The following GPM6B variants were observed in gnomAD, a reference collection of about 807,000 sequenced individuals.
GPM6B encodes neuronal membrane glycoprotein M6-b.
GPM6B carries 4 observed loss-of-function variants against 27.2 expected under a neutral mutation model. The observed-to-expected ratio is 0.15, with a 90% CI of 0.07 to 0.34. The LOEUF is 0.34. Among genes scored for constraint, GPM6B ranks in the 10% least tolerant of loss-of-function variants. The pLI is 1.00. For synonymous variants in GPM6B, 124 were observed against 103.1 expected (o/e 1.20, Z -1.23); for missense variants, 183 against 261.9 (o/e 0.70, Z 2.08).
At chrX:13,836,052 A>G (rs2049491157) in intron 1 of GPM6B, among the ~76,000 whole-genome samples, 1 of 111,964 alleles carries the variant, frequency 8.9e-6, no homozygotes, top group Admixed American at 9.5e-5. Context: ...CTCAAATGCT[A>G]ATCTTACACC....
chrX:13,914,107 T>C (rs1276500787), intron 1 of GPM6B, among the ~76,000 whole-genome samples: 1 of 111,955 alleles, frequency 8.9e-6, no homozygotes, highest in African/African-American at 3.2e-5. Context: ...TTCAAAGTTT[T>C]ACATTTGCAA....
At chrX:13,802,374 A>G (rs2048937807) in intron 2 of GPM6B, among the ~76,000 whole-genome samples, 2 of 111,371 alleles carry the variant, frequency 1.8e-5, no homozygotes, top group Admixed American at 1.9e-4. Flanking sequence ...GGTGAGAAGC[A>G]AAGGTAAGAC....
At chrX:13,931,505 G>T (rs1239079375) in intron 1 of GPM6B, among the ~76,000 whole-genome samples, 1 of 109,238 alleles carries the variant, frequency 9.2e-6, no homozygotes, top group African/African-American at 3.3e-5. Context: ...AAAGAAAAAA[G>T]AAAAAAAGAA....
intron 2 of GPM6B, among the ~76,000 whole-genome samples, chrX:13,801,832 T>G (rs2048926092): frequency 8.9e-6 from 1 of 111,791 alleles, no homozygotes; most frequent in Non-Finnish European, 1.9e-5. Context: ...GCATTGTTCA[T>G]GGAAGTCTCC....
chrX:13,835,647 T>G lies in GPM6B; in HGVS notation c.-197-49839A>C, dbSNP rs768977725. ...GATGTAGTAAACAGATGAGAAGAGT[T>G]CCTGGCTAGATTAAGTATTAAATAC... On this transcript the variant is annotated intron_variant, in intron 1 of 6. Transcript: ENST00000398361. 6.2e-5 allele frequency among the ~76,000 whole-genome samples: 7 copies of G among 112,170 alleles called. No individual in the cohort carries two copies. In the South Asian group the frequency reaches 2.2e-3, roughly 36 times the overall value.
chrX:13,813,442 G>C (rs1050138299), intron 1 of GPM6B, among the ~76,000 whole-genome samples: 1 of 111,111 alleles, frequency 9.0e-6, no homozygotes, highest in Admixed American at 9.6e-5. Flanking sequence ...TTCCTGTGTG[G>C]TTAGGAATTT....
At chrX:13,924,245 T>A (rs977851379) in intron 1 of GPM6B, among the ~76,000 whole-genome samples, 2 of 112,442 alleles carry the variant, frequency 1.8e-5, no homozygotes, top group African/African-American at 6.5e-5. Context: ...TATTACAAGC[T>A]TAGCACTCAG....
chrX:13,796,676 C>G (rs1449864228), intron 2 of GPM6B, among the ~76,000 whole-genome samples: 1 of 112,373 alleles, frequency 8.9e-6, no homozygotes, highest in Non-Finnish European at 1.9e-5. Context: ...AAGGAAATCA[C>G]TTTTTGGCAG....
In GPM6B at chrX:13,872,940, CTT is replaced by C. The variant is rs1421802124; in HGVS notation, c.-198+65385_-198+65386del. Among the ~76,000 whole-genome samples the C allele has an allele frequency of 2.7e-5, 3 of 110,914 alleles. No homozygotes were observed. In the South Asian group the frequency reaches 1.2e-3, roughly 43 times the overall value. On this transcript the variant is annotated intron_variant, in intron 1 of 6. Coordinates refer to the GPM6B transcript ENST00000398361. ...CTTCCATTTCGCACCCTGGTCATCT[CTT>C]TTGTTTTATGCTAGTCTCGACCCTA...
chrX:13,807,632 C>A lies in GPM6B; in HGVS notation c.181+18G>T. On this transcript the variant is annotated intron_variant, in intron 2 of 7. Transcript: ENST00000316715. Reference sequence around the variant, plus strand: ...ACAGTTGACTTGCTATTAGAATTCACCCCAAGGCTGTATTTACCTGGACTG... The same window carrying A: ...ACAGTTGACTTGCTATTAGAATTCAACCCAAGGCTGTATTTACCTGGACTG... 2 of 1,145,577 alleles carry A rather than the reference C, an allele frequency of 1.7e-6. No homozygotes were observed. Among genetic ancestry groups the A allele is most frequent in the Non-Finnish European group, 2.3e-6 (2 of 853,353 alleles). 94.4% of individuals were successfully genotyped at this position (1,145,577 alleles called of 1,213,427 possible). A position where few individuals can be genotyped will look rare whatever the true frequency, so the allele number is the denominator to read the frequency against.
chrX:13,773,756 C>A (rs1403433421), intron 7 of GPM6B: 2 of 113,875 alleles, frequency 1.8e-5, no homozygotes, highest in African/African-American at 6.5e-5. Context: ...TTCATACTTT[C>A]TTCTCAACAT....
At chrX:13,930,131 G>A (rs753287314) in intron 1 of GPM6B, among the ~76,000 whole-genome samples, 146 of 111,724 alleles carry the variant, frequency 1.3e-3, no homozygotes, top group Non-Finnish European at 2.5e-3. Context: ...TTCTAACCAA[G>A]TAAGCAATTC....
chrX:13,781,738 A>G (rs186437245), intron 4 of GPM6B, among the ~76,000 whole-genome samples: 2 of 111,949 alleles, frequency 1.8e-5, no homozygotes, highest in East Asian at 5.6e-4. Context: ...TACATCTTAC[A>G]TTCATTGATA....
At chrX:13,827,988 C>T (rs1412561696) in intron 1 of GPM6B, among the ~76,000 whole-genome samples, 1 of 111,165 alleles carries the variant, frequency 9.0e-6, no homozygotes, top group African/African-American at 3.3e-5. Context: ...CTTTCTCATG[C>T]AGGCACACAG....
intron 1 of GPM6B, among the ~76,000 whole-genome samples, chrX:13,827,602 G>A (rs1014798677): frequency 1.8e-5 from 2 of 111,825 alleles, no homozygotes; most frequent in African/African-American, 6.5e-5. Context: ...CTTGGATGAG[G>A]CCTAACCTTC....
intron 1 of GPM6B, among the ~76,000 whole-genome samples, chrX:13,851,637 GA>G (rs10668416): frequency 5.9e-5 from 6 of 101,228 alleles, no homozygotes; most frequent in South Asian, 4.6e-4. Flanking sequence ...GGCATGCAAT[GA>G]AAAAAAAAAA....
chrX:13,828,126 T>G (rs1180653408), intron 1 of GPM6B, among the ~76,000 whole-genome samples: 1 of 111,543 alleles, frequency 9.0e-6, no homozygotes, highest in Non-Finnish European at 1.9e-5. Context: ...TTTCTAATCT[T>G]TGTACATGCT....
intron 1 of GPM6B, among the ~76,000 whole-genome samples, chrX:13,870,964 G>C (rs1439211157): frequency 9.0e-6 from 1 of 110,682 alleles, no homozygotes; most frequent in African/African-American, 3.3e-5. Flanking sequence ...TCAGCTACTT[G>C]GGAGGTTGAA....
chrX:13,937,869 G>A (rs1376101606), intron 1 of GPM6B, among the ~76,000 whole-genome samples: 2 of 111,187 alleles, frequency 1.8e-5, no homozygotes, highest in South Asian at 3.9e-4. Context: ...TCAGCACACC[G>A]CCTCCACCTG....
Sources: allele counts gnomAD v4.1 joint callset (sites outside exome capture counted in the v4.1 genomes callset), GRCh38; gene constraint gnomAD v4.1.1; transcripts MANE v1.5; gene names NCBI Gene and HGNC (gene_info 2026-07-23, HGNC 2026-07-21).